ADAMTSL3: variants seen among roughly 807,000 people sequenced by gnomAD.
ADAMTSL3 encodes ADAMTS like 3.
ADAMTSL3 carries 128 observed loss-of-function variants against 201.7 expected under a neutral mutation model. That is an observed-to-expected ratio of 0.63 (90% confidence interval 0.55 to 0.73). ADAMTSL3 has a LOEUF of 0.73. Ranked by LOEUF, ADAMTSL3 falls within the 30% of genes least tolerant of loss-of-function variation. The pLI is 0.00. For synonymous variants in ADAMTSL3, 738 were observed against 748.4 expected (o/e 0.99, Z 0.23); for missense variants, 1,990 against 2,119.6 (o/e 0.94, Z 1.20).
chr15:83,923,972 G>T lies in ADAMTSL3; in HGVS notation c.2056G>T (p.Asp686Tyr), dbSNP rs1212593177. The change falls in exon 17 of 30, where the codon GAT becomes TAT. Residue 686 changes from aspartate (D) to tyrosine (Y), a missense_variant. By Grantham distance (160) the Asp-to-Tyr change is radical. Transcript: ENST00000286744. ...TQQTVNDSLC[D>Y]MVHRPPAMSQ... ...GCAGACAGTCAATGACAGCTTGTGT[G>T]ATATGGTCCACCGTCCTCCAGCCAT... The T allele has an allele frequency of 4.3e-6, 7 of 1,614,158 alleles. No homozygotes were observed. The African/African-American group carries it at 8.0e-5, about 18-fold the overall frequency.
intron 15 of ADAMTSL3, among the ~76,000 whole-genome samples, chr15:83,903,568 C>T (rs548717462): frequency 2.0e-5 from 3 of 152,052 alleles, no homozygotes; most frequent in East Asian, 1.9e-4. Flanking sequence ...TGGATCCGAT[C>T]GTCCCTAAGG....
chr15:83,923,991 C>T lies in ADAMTSL3; in HGVS notation c.2075C>T (p.Pro692Leu). Residue 692 changes from proline to leucine, a missense_variant, in exon 17 of 30, where the codon CCA becomes CTA. Pro to Leu is a moderately conservative substitution (Grantham distance 98). Transcript: ENST00000286744. Reference sequence around the variant, plus strand: ...TTGTGTGATATGGTCCACCGTCCTCCAGCCATGAGCCAGGCCTGTAACACA... The same window carrying T: ...TTGTGTGATATGGTCCACCGTCCTCTAGCCATGAGCCAGGCCTGTAACACA... The part of the protein sequence containing the change: ...DSLCDMVHRP[P>L]AMSQACNTEP... The T allele has an allele frequency of 6.2e-7, 1 of 1,614,148 alleles. No individual in the cohort carries two copies. Among genetic ancestry groups the T allele is most frequent in the African/African-American group, 1.3e-5 (1 of 75,070 alleles).
At chr15:83,697,674 G>T (rs2061704245) in intron 2 of ADAMTSL3, among the ~76,000 whole-genome samples, 1 of 152,136 alleles carries the variant, frequency 6.6e-6, no homozygotes, top group Admixed American at 6.5e-5. Flanking sequence ...CCCAAGTGCA[G>T]GAGTTGGGGT....
At chr15:83,970,213 T>C (rs2067167693) in intron 19 of ADAMTSL3, among the ~76,000 whole-genome samples, 1 of 133,014 alleles carries the variant, frequency 7.5e-6, no homozygotes, top group Non-Finnish European at 1.6e-5. Flanking sequence ...AAAGAAAGAG[T>C]GAGATGGAAG....
At chr15:83,775,343 C>CT (rs200018009) in intron 4 of ADAMTSL3, among the ~76,000 whole-genome samples, 4,183 of 142,928 alleles carry the variant, frequency 0.029, 76 homozygotes, top group African/African-American at 0.056. Context: ...TTGCATTGGT[C>CT]TTTTTTTTTT....
intron 2 of ADAMTSL3, among the ~76,000 whole-genome samples, chr15:83,671,639 A>G (rs992980664): frequency 6.6e-6 from 1 of 152,194 alleles, no homozygotes; most frequent in Non-Finnish European, 1.5e-5. Context: ...ATTTGACAAT[A>G]AATTATATTC....
intron 14 of ADAMTSL3, 132 bp from the exon 15 acceptor site, chr15:83,899,515 C>A: frequency 1.3e-6 from 1 of 775,474 alleles, no homozygotes; most frequent in Non-Finnish European, 2.0e-6. Flanking sequence ...ATGTATTGTA[C>A]TAAGGAACTC....
At chr15:83,951,847 G>T (rs1488538511) in intron 19 of ADAMTSL3, among the ~76,000 whole-genome samples, 1 of 152,112 alleles carries the variant, frequency 6.6e-6, no homozygotes, top group African/African-American at 2.4e-5. Context: ...TGCAGTATCA[G>T]TTCTAATGTC....
At chr15:83,714,861 C>T (rs1200248919) in intron 3 of ADAMTSL3, among the ~76,000 whole-genome samples, 10 of 38,880 alleles carry the variant, frequency 2.6e-4, no homozygotes, top group South Asian at 5.2e-3. Context: ...TCCCTCCCTC[C>T]CTCCCTCCCT....
At chr15:83,856,805 C>A (rs1019228838) in intron 7 of ADAMTSL3, among the ~76,000 whole-genome samples, 1 of 152,134 alleles carries the variant, frequency 6.6e-6, no homozygotes, top group Non-Finnish European at 1.5e-5. Flanking sequence ...TCCCTGCTTT[C>A]AATTCTTTTG....
intron 4 of ADAMTSL3, among the ~76,000 whole-genome samples, chr15:83,782,445 C>G (rs1219853328): frequency 2.0e-5 from 3 of 152,064 alleles, no homozygotes; most frequent in African/African-American, 7.2e-5. Context: ...TCACTGTATT[C>G]CAGCCTTGGT....
At chr15:83,833,548 AG>A (rs1421305617) in intron 6 of ADAMTSL3, among the ~76,000 whole-genome samples, 1 of 152,208 alleles carries the variant, frequency 6.6e-6, no homozygotes, top group Non-Finnish European at 1.5e-5. Context: ...GCACATAGCT[AG>A]GAAGTGATAG....
intron 2 of ADAMTSL3, among the ~76,000 whole-genome samples, chr15:83,697,307 A>G (rs1006733323): frequency 6.6e-6 from 1 of 152,126 alleles, no homozygotes; most frequent in South Asian, 2.1e-4. Flanking sequence ...GTGTGGAGGT[A>G]TTTCTGCACA....
rs554404333 is a variant in ADAMTSL3, at chr15:83,662,317, G to T, written c.69+6487G>T. On this transcript the variant is annotated intron_variant, in intron 2 of 29. Transcript: ENST00000286744. ...AAATCATCATTCTCAGTAAACTATC[G>T]CAAGAACAAAAAACCAAACACCGCA... Among the ~76,000 whole-genome samples the T allele has an allele frequency of 3.0e-4, 42 of 140,598 alleles. 1 individual carries two copies. The South Asian group carries it at 9.0e-3, about 30-fold the overall frequency. 92.2% of individuals were successfully genotyped at this position (140,598 alleles called of 152,430 possible).
chr15:83,747,269 C>T (rs1257905164), intron 3 of ADAMTSL3, among the ~76,000 whole-genome samples: 1 of 152,196 alleles, frequency 6.6e-6, no homozygotes, highest in Non-Finnish European at 1.5e-5. Context: ...ACACTTGCAT[C>T]CTGTTCCTGT....
At chr15:83,923,178 G>C (rs996254363) in intron 16 of ADAMTSL3, among the ~76,000 whole-genome samples, 1 of 152,118 alleles carries the variant, frequency 6.6e-6, no homozygotes, top group African/African-American at 2.4e-5. Context: ...ACTGAATTAG[G>C]AGGCAGGGAA....
At chr15:83,817,280 C>A (rs2063784627) in intron 5 of ADAMTSL3, among the ~76,000 whole-genome samples, 1 of 152,168 alleles carries the variant, frequency 6.6e-6, no homozygotes, top group African/African-American at 2.4e-5. Flanking sequence ...ATTTAAAAAT[C>A]TTGGCTGATA....
intron 6 of ADAMTSL3, among the ~76,000 whole-genome samples, chr15:83,829,058 A>T (rs932573982): frequency 6.6e-6 from 1 of 152,082 alleles, no homozygotes; most frequent in East Asian, 1.9e-4. Flanking sequence ...GTTAGGGAGG[A>T]TTCCCTCTTT....
rs2067707535 is a variant in ADAMTSL3, at chr15:83,997,409, G to GCC, written c.3973+6195_3973+6196insCC. ...TTGAGACCAGCCTGGCCAATATGAT[G>GCC]AAACCCTGTCTCTACTAAAAATACA... is the stretch of plus-strand genomic sequence containing the variant. On this transcript the variant is annotated intron_variant, in intron 23 of 29. Coordinates refer to ENST00000286744, the MANE Select transcript of ADAMTSL3 (RefSeq NM_207517.3). Among the ~76,000 whole-genome samples, 3 of 152,052 alleles carry GCC rather than the reference G, an allele frequency of 2.0e-5. No homozygotes were observed. In the South Asian group the frequency reaches 6.2e-4, roughly 32 times the overall value.
Sources: allele counts gnomAD v4.1 joint callset (sites outside exome capture counted in the v4.1 genomes callset), GRCh38; gene constraint gnomAD v4.1.1; transcripts MANE v1.5; gene names NCBI Gene and HGNC (gene_info 2026-07-23, HGNC 2026-07-21).